The following FTCDNL1 variants were observed in gnomAD, a reference collection of about 807,000 sequenced individuals.
The protein encoded by FTCDNL1 is formiminotransferase N-terminal subdomain-containing protein.
In FTCDNL1, 11 loss-of-function variants were observed where a neutral mutation model predicts 5.9. The ratio of observed to expected loss-of-function variants is 1.87; its 90% confidence interval spans 1.18 to 3.10. The LOEUF (loss-of-function observed/expected upper bound fraction) is 3.10. Ranked by LOEUF, FTCDNL1 falls within the 30% of genes most tolerant of loss-of-function variation. The pLI is 0.00. For synonymous variants in FTCDNL1, 58 were observed against 24.8 expected, an observed-to-expected ratio of 2.34 and a Z score of -3.99; for missense variants, 115 against 65.5, an observed-to-expected ratio of 1.76 and a Z score of -2.61.
the FTCDNL1 span, among the ~76,000 whole-genome samples, chr2:199,676,397 C>T: frequency 2.6e-5 from 4 of 151,986 alleles, no homozygotes; most frequent in East Asian, 5.8e-4. Flanking sequence ...AAGTTCCAAG[C>T]TCTGGGAGGT....
the FTCDNL1 span, among the ~76,000 whole-genome samples, chr2:199,682,376 A>G: frequency 6.6e-6 from 1 of 152,170 alleles, no homozygotes; most frequent in Non-Finnish European, 1.5e-5. Flanking sequence ...ATGTCAGCCA[A>G]TTCCTTAAAT....
At chr2:199,670,551 T>C in the FTCDNL1 span, among the ~76,000 whole-genome samples, 1 of 152,154 alleles carries the variant, frequency 6.6e-6, no homozygotes, top group African/African-American at 2.4e-5. Context: ...CTTTTTTGTA[T>C]CAGTAGAAGA....
the FTCDNL1 span, among the ~76,000 whole-genome samples, chr2:199,726,726 C>T: frequency 6.6e-6 from 1 of 152,182 alleles, no homozygotes; most frequent in Non-Finnish European, 1.5e-5. Flanking sequence ...CCCTCCTGCA[C>T]CTGGAGGTAT....
chr2:199,720,622 C>A, the FTCDNL1 span, among the ~76,000 whole-genome samples: 5 of 152,168 alleles, frequency 3.3e-5, no homozygotes, highest in Admixed American at 6.6e-5. Flanking sequence ...TTCACATGGT[C>A]TTTTTCTCTG....
At chr2:199,848,769 G>T (rs2076796366) in intron 2 of FTCDNL1, 79 bp downstream of exon 2, 1 of 637,436 alleles carries the variant, frequency 1.6e-6, no homozygotes, top group Non-Finnish European at 2.8e-6. Context: ...GTGTTCTGTA[G>T]ATACAGTGTG....
rs201062391 is a variant in FTCDNL1, at chr2:199,832,970, ATT to A, written c.211+13103_211+13104del. Among the ~76,000 whole-genome samples, 780 of 142,824 alleles carry A rather than the reference ATT, an allele frequency of 5.5e-3. 4 individuals carry two copies. The highest frequency in any genetic ancestry group is 0.017 in the African/African-American group (658 of 39,090). The allele number at this position is 142,824 out of a possible 152,430, so 93.7% of individuals were successfully genotyped here. On this transcript the variant is annotated intron_variant, in intron 3 of 4. Transcript: ENST00000420128. ...TGAACTCAGATTGTTCAGCTCCCTA[ATT>A]TTTTTTTTTTTTTTTAAGACAGGGT...
the FTCDNL1 span, among the ~76,000 whole-genome samples, chr2:199,690,710 C>T: frequency 6.6e-6 from 1 of 152,142 alleles, no homozygotes; most frequent in Non-Finnish European, 1.5e-5. Flanking sequence ...CCCGAGAAAG[C>T]TAGGACCAGG....
downstream of FTCDNL1, among the ~76,000 whole-genome samples, chr2:199,807,916 T>C (rs1032930878): frequency 6.6e-6 from 1 of 152,220 alleles, no homozygotes; most frequent in African/African-American, 2.4e-5. Context: ...TCAATCATAA[T>C]ACCCAGTGTT....
the FTCDNL1 span, among the ~76,000 whole-genome samples, chr2:199,726,568 T>C: frequency 6.6e-6 from 1 of 152,176 alleles, no homozygotes; most frequent in South Asian, 2.1e-4. Flanking sequence ...TTTGTTGGGA[T>C]TTTTGTGGGT....
chr2:199,802,264 C>G (rs144652738), intron 3 of FTCDNL1, among the ~76,000 whole-genome samples: 1 of 152,296 alleles, frequency 6.6e-6, no homozygotes, highest in African/African-American at 2.4e-5. Flanking sequence ...AGGGCACCTA[C>G]ATCTTATGTA....
chr2:199,759,344 C>T (rs898463354), downstream of FTCDNL1, among the ~76,000 whole-genome samples: 3 of 149,842 alleles, frequency 2.0e-5, no homozygotes, highest in East Asian at 5.9e-4. Context: ...TTTGTGAAAA[C>T]ATTTGTCTTC....
intron 3 of FTCDNL1, among the ~76,000 whole-genome samples, chr2:199,796,526 T>C (rs1410718214): frequency 6.6e-6 from 1 of 152,226 alleles, no homozygotes; most frequent in Admixed American, 6.5e-5. Flanking sequence ...TAAGAGACTA[T>C]TGACCTTTCA....
chr2:199,726,388 T>C, the FTCDNL1 span, among the ~76,000 whole-genome samples: 10 of 152,352 alleles, frequency 6.6e-5, no homozygotes, highest in Non-Finnish European at 1.3e-4. Context: ...TCTACTTCTG[T>C]CAATTCATCC....
At chr2:199,673,641 A>C in the FTCDNL1 span, among the ~76,000 whole-genome samples, 1 of 152,238 alleles carries the variant, frequency 6.6e-6, no homozygotes, top group Non-Finnish European at 1.5e-5. Flanking sequence ...TTATAATTCC[A>C]TGTGACAACT....
the FTCDNL1 span, among the ~76,000 whole-genome samples, chr2:199,743,220 C>T: frequency 3.9e-5 from 6 of 152,170 alleles, no homozygotes; most frequent in Non-Finnish European, 8.8e-5. Flanking sequence ...GATGGGGAAA[C>T]TGAGGCTCAG....
the FTCDNL1 span, among the ~76,000 whole-genome samples, chr2:199,732,625 G>GA: frequency 2.7e-5 from 4 of 148,352 alleles, no homozygotes; most frequent in Admixed American, 6.7e-5. Context: ...ATCACTGAAT[G>GA]AAAAAAAAAA....
the FTCDNL1 span, among the ~76,000 whole-genome samples, chr2:199,671,315 G>T: frequency 1.3e-5 from 2 of 152,018 alleles, no homozygotes; most frequent in Non-Finnish European, 2.9e-5. Context: ...ATCAACTCTG[G>T]TGGCAAAAGG....
intron 3 of FTCDNL1, among the ~76,000 whole-genome samples, chr2:199,820,343 C>T (rs1394072093): frequency 1.3e-5 from 2 of 152,020 alleles, no homozygotes; most frequent in African/African-American, 2.4e-5. Flanking sequence ...GTGGCTCACA[C>T]CTATAATTCC....
chr2:199,828,997 A>G (rs769956), intron 3 of FTCDNL1, among the ~76,000 whole-genome samples: 125,920 of 152,164 alleles, frequency 0.83, 52,197 homozygotes, highest in Admixed American at 0.89. Context: ...TCCTTAGAGT[A>G]GTGGTCATAT....
Sources: allele counts gnomAD v4.1 joint callset (sites outside exome capture counted in the v4.1 genomes callset), GRCh38; gene constraint gnomAD v4.1.1; transcripts MANE v1.5; gene names NCBI Gene and HGNC (gene_info 2026-07-23, HGNC 2026-07-21).